Variants in ZMYM2 observed in about 807,000 individuals in gnomAD.
ZMYM2 encodes the protein zinc finger MYM-type protein 2.
ZMYM2 carries 56 observed loss-of-function variants against 162.8 expected under a neutral mutation model. That is an observed-to-expected ratio of 0.34 (90% CI 0.28 to 0.43). The LOEUF is 0.43. Among genes scored for constraint, ZMYM2 ranks in the 20% least tolerant of loss-of-function variants. ZMYM2 has a pLI of 1.00. For missense variants in ZMYM2, 1,275 were observed against 1,621.8 expected (o/e 0.79, Z 3.67); for synonymous variants, 510 against 541.6 (o/e 0.94, Z 0.81).
chr13:20,018,243 A>G (rs1394620765), intron 6 of ZMYM2, among the ~76,000 whole-genome samples: 1 of 152,240 alleles, frequency 6.6e-6, no homozygotes, highest in Non-Finnish European at 1.5e-5. Flanking sequence ...TATTACATAA[A>G]TAAAAATTAT....
the ZMYM2 span, among the ~76,000 whole-genome samples, chr13:19,919,680 CTTTT>C: frequency 7.3e-6 from 1 of 137,308 alleles, no homozygotes. Flanking sequence ...TTTTCTTTTT[CTTTT>C]TTTTTTTTTT....
rs779841669 is a variant in ZMYM2 at position 20,067,369 on chromosome 13, C to T, written c.3432C>T (p.Tyr1144=). Residue 1144 remains tyrosine, a synonymous_variant, in exon 21 of 25, where the codon TAC becomes TAT. Transcript: ENST00000610343. ...ATTATGCACCTGACAGCATCTATTA[C>T]CTTTGCCTTGGAATACAGGAGGTTA... is the stretch of plus-strand genomic sequence containing the variant. ...GENYAPDSIY[Y]LCLGIQEYLC... is the part of the protein sequence containing the mutation. 6.2e-7 allele frequency: 1 copy of T among 1,609,528 alleles called. No individual in the cohort carries two copies.
At chr13:20,074,237 T>TGTGTGTGAGAGA (rs1491090474) in intron 21 of ZMYM2, among the ~76,000 whole-genome samples, 19 of 127,464 alleles carry the variant, frequency 1.5e-4, no homozygotes, top group African/African-American at 4.8e-4. Flanking sequence ...TGTGTGTGTG[T>TGTGTGTGAGAGA]GAGAGAGACA....
chr13:20,028,803 A>G (rs185208853), intron 9 of ZMYM2, among the ~76,000 whole-genome samples: 53 of 151,804 alleles, frequency 3.5e-4, no homozygotes, highest in African/African-American at 1.2e-3. Context: ...TACACATGCA[A>G]TCATCTTTTT....
chr13:19,987,111 CAAAAAAAAAAA>C (rs58588019), intron 2 of ZMYM2, among the ~76,000 whole-genome samples: 1 of 40,934 alleles, frequency 2.4e-5, no homozygotes, highest in Non-Finnish European at 5.3e-5. Context: ...GGCTCCGTCT[CAAAAAAAAAAA>C]AAAAAAAAAA....
At chr13:20,002,245 G>T (rs1049624745) in intron 3 of ZMYM2, among the ~76,000 whole-genome samples, 1 of 152,186 alleles carries the variant, frequency 6.6e-6, no homozygotes, top group Non-Finnish European at 1.5e-5. Context: ...GTTGATATAT[G>T]TGTTCCTTGC....
intron 3 of ZMYM2, among the ~76,000 whole-genome samples, chr13:19,994,408 A>G (rs974952514): frequency 2.6e-5 from 4 of 152,198 alleles, no homozygotes; most frequent in African/African-American, 4.8e-5. Context: ...AATTTTTACT[A>G]GTGTTTTAGT....
intron 4 of ZMYM2, among the ~76,000 whole-genome samples, chr13:20,004,826 C>T (rs1405512996): frequency 1.3e-5 from 2 of 151,804 alleles, no homozygotes; most frequent in Non-Finnish European, 1.5e-5. Flanking sequence ...ATTTGAAATC[C>T]TTTTTAGTGA....
chr13:20,041,425 A>G (rs1594530023), intron 12 of ZMYM2, among the ~76,000 whole-genome samples: 1 of 151,982 alleles, frequency 6.6e-6, no homozygotes, highest in Admixed American at 6.5e-5. Context: ...CCATCCCTTT[A>G]TTTTGAGCCT....
At chr13:19,906,611 T>C in the ZMYM2 span, among the ~76,000 whole-genome samples, 1 of 151,732 alleles carries the variant, frequency 6.6e-6, no homozygotes, top group South Asian at 2.1e-4. Flanking sequence ...CACTCAACTG[T>C]GTTGCCCAGA....
chr13:19,990,090 T>A (rs1949486597), intron 2 of ZMYM2, among the ~76,000 whole-genome samples: 1 of 152,212 alleles, frequency 6.6e-6, no homozygotes, highest in Admixed American at 6.5e-5. Context: ...TTGTATCACC[T>A]CTTTGCTGGA....
intron 21 of ZMYM2, chr13:20,068,059 TG>T (rs1956810683): frequency 5.7e-6 from 1 of 175,318 alleles, no homozygotes. Flanking sequence ...TGTCTTAATT[TG>T]TGTTTTTTTT....
chr13:19,937,763 T>G, the ZMYM2 span, among the ~76,000 whole-genome samples: 2 of 150,392 alleles, frequency 1.3e-5, no homozygotes, highest in Non-Finnish European at 3.0e-5. Flanking sequence ...GCATTAGGTA[T>G]ATCTCCTAGT....
chr13:19,957,172 A>T (rs750084560), upstream of ZMYM2, among the ~76,000 whole-genome samples: 2 of 152,316 alleles, frequency 1.3e-5, no homozygotes, highest in Non-Finnish European at 2.9e-5. Context: ...GAATGAATTC[A>T]ACTTCTACTA....
At chr13:19,916,369 C>T in the ZMYM2 span, among the ~76,000 whole-genome samples, 1 of 152,116 alleles carries the variant, frequency 6.6e-6, no homozygotes, top group African/African-American at 2.4e-5. Flanking sequence ...TGGGTATATG[C>T]CCAAAGGATT....
chr13:19,883,057 A>G, the ZMYM2 span, among the ~76,000 whole-genome samples: 1 of 152,236 alleles, frequency 6.6e-6, no homozygotes, highest in Non-Finnish European at 1.5e-5. Context: ...ATACAATGGA[A>G]TATTATTGTT....
At chr13:20,084,205 A>C (rs999873405) in intron 24 of ZMYM2, among the ~76,000 whole-genome samples, 14 of 152,040 alleles carry the variant, frequency 9.2e-5, no homozygotes, top group African/African-American at 3.1e-4. Context: ...TAGAGACAGG[A>C]TCTCACTGTG....
intron 6 of ZMYM2, among the ~76,000 whole-genome samples, chr13:20,012,720 C>G (rs368905343): frequency 1.3e-5 from 2 of 152,144 alleles, no homozygotes; most frequent in East Asian, 1.9e-4. Context: ...CCACCACCAC[C>G]TGTTGATGAA....
the ZMYM2 span, among the ~76,000 whole-genome samples, chr13:19,888,576 G>A: frequency 6.6e-6 from 1 of 151,658 alleles, no homozygotes; most frequent in African/African-American, 2.4e-5. Flanking sequence ...GATTTAATGT[G>A]GATCCTCTTC....
Sources: gnomAD v4.1 joint callset for allele counts (sites outside exome capture counted in the v4.1 genomes callset) on GRCh38, gnomAD v4.1.1 for gene constraint, MANE v1.5 for transcripts, NCBI Gene and HGNC (gene_info 2026-07-23, HGNC 2026-07-21) for gene names.